ADAMTS2: variants seen among roughly 807,000 people sequenced by gnomAD.
ADAMTS2 encodes the protein A disintegrin and metalloproteinase with thrombospondin motifs 2.
A neutral mutation model predicts 123.0 loss-of-function variants in ADAMTS2; 50 were observed. That is an observed-to-expected ratio of 0.41 (90% CI 0.32 to 0.51). ADAMTS2 has a LOEUF of 0.51. Among genes scored for constraint, ADAMTS2 ranks in the 20% least tolerant of loss-of-function variants. The probability of loss-of-function intolerance (pLI) is 0.35; values close to 1 mark genes in which losing one functional copy is unlikely to be tolerated. For synonymous variants in ADAMTS2, 678 were observed against 695.4 expected (o/e 0.98, Z 0.39); for missense variants, 1,494 against 1,705.2 (o/e 0.88, Z 2.18).
rs534057291 is a variant in ADAMTS2 at position 179,121,547 on chromosome 5, C to T, written c.3178+114G>A. On this transcript the variant is annotated intron_variant, in intron 21 of 21. Coordinates refer to ENST00000251582, the MANE Select transcript of ADAMTS2 (RefSeq NM_014244.5). ...GAAAACGGTCACCCCAGAGCGCGCCCGCAGAGTCAGGGGAGCTTTCCATAG... is the reference window on the plus strand; with the variant it reads ...GAAAACGGTCACCCCAGAGCGCGCCTGCAGAGTCAGGGGAGCTTTCCATAG... The T allele has an allele frequency of 5.7e-4, 493 of 859,668 alleles. 1 individual carries two copies. The African/African-American group carries it at 7.4e-3, about 13-fold the overall frequency. The allele number at this position is 859,668 out of a possible 1,614,324, so 53.3% of individuals were successfully genotyped here.
intron 2 of ADAMTS2, among the ~76,000 whole-genome samples, chr5:179,335,310 T>G (rs944099025): frequency 1.3e-5 from 2 of 152,226 alleles, no homozygotes; most frequent in African/African-American, 4.8e-5. Context: ...ATCAATACTT[T>G]AAAATGATCT....
chr5:179,199,002 C>T (rs1258592525), intron 4 of ADAMTS2, among the ~76,000 whole-genome samples: 1 of 152,118 alleles, frequency 6.6e-6, no homozygotes, highest in Non-Finnish European at 1.5e-5. Flanking sequence ...GGGGAAAGGC[C>T]ACAGAGAACG....
Position 179,338,080 on chromosome 5 carries a change from C to T in ADAMTS2, c.534+5687G>A, listed in dbSNP as rs531410876. 3.7e-4 allele frequency among the ~76,000 whole-genome samples: 57 copies of T among 152,332 alleles called. No individual in the cohort carries two copies. In the South Asian group the frequency reaches 0.011, roughly 29 times the overall value. On this transcript the variant is annotated intron_variant, in intron 2 of 21. Transcript: ENST00000251582. ...TGCCACACCTGAATGAGCACATGGC[C>T]GCGCACATTTACCAGTGCCAGAAAC...
intron 2 of ADAMTS2, among the ~76,000 whole-genome samples, chr5:179,284,031 C>CA (rs1354419256): frequency 4.0e-5 from 6 of 150,400 alleles, no homozygotes; most frequent in African/African-American, 9.8e-5. Flanking sequence ...TACCCTGTCT[C>CA]AAAAAAACCC....
chr5:179,152,456 G>A (rs546416010), intron 9 of ADAMTS2, among the ~76,000 whole-genome samples: 2 of 152,288 alleles, frequency 1.3e-5, no homozygotes, highest in East Asian at 3.9e-4. Context: ...CCCTGGACGC[G>A]GCTGGGCCTC....
intron 2 of ADAMTS2, among the ~76,000 whole-genome samples, chr5:179,284,080 C>T (rs1326990612): frequency 6.6e-6 from 1 of 151,472 alleles, no homozygotes; most frequent in Non-Finnish European, 1.5e-5. Context: ...TCCATAATCC[C>T]AGCACTTTGG....
At chr5:179,205,070 C>T (rs1764647683) in intron 4 of ADAMTS2, among the ~76,000 whole-genome samples, 1 of 152,162 alleles carries the variant, frequency 6.6e-6, no homozygotes, top group Non-Finnish European at 1.5e-5. Flanking sequence ...ACGAACCTTC[C>T]CATTATTCAA....
chr5:179,114,399 G>T, intron 21 of ADAMTS2, 75 bp from the exon 22 acceptor site: 1 of 1,444,990 alleles, frequency 6.9e-7, no homozygotes, highest in Non-Finnish European at 9.5e-7. Context: ...GGTGCAGCTT[G>T]CTGGAGGAGG....
intron 2 of ADAMTS2, among the ~76,000 whole-genome samples, chr5:179,299,477 C>G (rs151111310): frequency 7.0e-6 from 1 of 143,410 alleles, no homozygotes; most frequent in Non-Finnish European, 1.5e-5. Context: ...TGCAGTGAGC[C>G]AAGATCACAC....
At chr5:179,286,857 C>T in intron 2 of ADAMTS2, among the ~76,000 whole-genome samples, 1 of 152,220 alleles carries the variant, frequency 6.6e-6, no homozygotes, top group Non-Finnish European at 1.5e-5. Context: ...CATCTTTCCC[C>T]TGTCCTCACA....
At chr5:179,139,396 G>T (rs1030285234) in intron 11 of ADAMTS2, among the ~76,000 whole-genome samples, 1 of 152,130 alleles carries the variant, frequency 6.6e-6, no homozygotes, top group Middle Eastern at 3.2e-3. Context: ...CCTGCGTGGC[G>T]GGTGGGGCTG....
At chr5:179,255,408 C>T (rs1215354160) in intron 3 of ADAMTS2, among the ~76,000 whole-genome samples, 2 of 152,184 alleles carry the variant, frequency 1.3e-5, no homozygotes, top group Non-Finnish European at 2.9e-5. Flanking sequence ...TCATGCTTGA[C>T]CACAGGTCAT....
At chr5:179,247,220 A>G (rs1341348870) in intron 3 of ADAMTS2, among the ~76,000 whole-genome samples, 1 of 152,214 alleles carries the variant, frequency 6.6e-6, no homozygotes, top group Non-Finnish European at 1.5e-5. Context: ...ACCACAAACA[A>G]TTTTGGAGCT....
rs1209950211 is a variant in ADAMTS2 at position 179,242,627 on chromosome 5, G to C, written c.688+30284C>G. On this transcript the variant is annotated intron_variant, in intron 3 of 21. Coordinates refer to ENST00000251582, the MANE Select transcript of ADAMTS2 (RefSeq NM_014244.5). This position sits in a 1 kb window ranked among gnomAD's most constrained non-coding sequence, Gnocchi z 4.2. ...ATCTTGGGAAGAAAAATCCCAGTAA[G>C]AACAGCAAGAATCGGTGGCACCTGA... 6.6e-6 allele frequency among the ~76,000 whole-genome samples: 1 copy of C among 152,178 alleles called. No homozygotes were observed. Among genetic ancestry groups the C allele is most frequent in the Non-Finnish European group, 1.5e-5 (1 of 68,036 alleles).
chr5:179,227,138 T>TAC (rs1243658479), intron 3 of ADAMTS2, among the ~76,000 whole-genome samples: 2 of 152,214 alleles, frequency 1.3e-5, no homozygotes, highest in Admixed American at 6.5e-5. Flanking sequence ...TATATATATA[T>TAC]ACTTGTGTGT....
In ADAMTS2 at chr5:179,269,592, T is replaced by C. The variant is rs548121433; in HGVS notation, c.688+3319A>G. ...ATCATCTCTCACTGGGTCCCTCCCA[T>C]AACACATGGGAATTATGGGAGCTAC... On this transcript the variant is annotated intron_variant, in intron 3 of 21. Coordinates refer to ENST00000251582, the MANE Select transcript of ADAMTS2 (RefSeq NM_014244.5). 4.6e-5 allele frequency among the ~76,000 whole-genome samples: 7 copies of C among 152,196 alleles called. No homozygotes were observed. The South Asian group carries it at 1.5e-3, about 32-fold the overall frequency.
At chr5:179,193,166 G>A (rs2052471) in intron 4 of ADAMTS2, among the ~76,000 whole-genome samples, 8,756 of 152,188 alleles carry the variant, frequency 0.058, 335 homozygotes, top group African/African-American at 0.092. Flanking sequence ...GGCTGCCAAG[G>A]CCCTGTCCTC....
chr5:179,181,521 G>A lies in ADAMTS2; in HGVS notation c.892-366C>T, dbSNP rs549209863. Among the ~76,000 whole-genome samples, 4 of 152,116 alleles carry A rather than the reference G, an allele frequency of 2.6e-5. No homozygotes were observed. The highest frequency in any genetic ancestry group is 9.7e-5 in the African/African-American group (4 of 41,426). ...CAGTGAACGTGGGTGATGGACCCCCGCGGCACAGGCAGGGCTGGGACCGGC... is the reference window on the plus strand; with the variant it reads ...CAGTGAACGTGGGTGATGGACCCCCACGGCACAGGCAGGGCTGGGACCGGC... On this transcript the variant is annotated intron_variant, in intron 4 of 21. Transcript: ENST00000251582. This position sits in a 1 kb window ranked among gnomAD's most constrained non-coding sequence, Gnocchi z 4.1.
Position 179,114,011 on chromosome 5 carries a change from G to T in ADAMTS2, c.3492C>A (p.Pro1164=). Residue 1164 remains proline (P), a synonymous_variant, in exon 22 of 22, where the codon CCC becomes CCA. Transcript: ENST00000251582. ...DHPETNAVDE[P]YKIHGLEDEV... is the part of the protein sequence containing the mutation. ...CATCTTCCAGGCCATGGATTTTGTA[G>T]GGTTCATCTACGGCATTGGTTTCTG... 6.2e-7 allele frequency: 1 copy of T among 1,614,128 alleles called. No individual in the cohort carries two copies.
Sources: allele counts gnomAD v4.1 joint callset (sites outside exome capture counted in the v4.1 genomes callset), GRCh38; gene constraint gnomAD v4.1.1; non-coding constraint Gnocchi (gnomAD v3.1); transcripts MANE v1.5; gene names NCBI Gene and HGNC (gene_info 2026-07-23, HGNC 2026-07-21).